Variants in MEGF11 observed in about 807,000 individuals in gnomAD.
The protein encoded by MEGF11 is multiple epidermal growth factor-like domains protein 11.
Under a neutral mutation model 146.6 loss-of-function variants are expected in MEGF11, and 126 were observed. The ratio of observed to expected loss-of-function variants is 0.86; its 90% CI spans 0.74 to 1.00. The LOEUF (loss-of-function observed/expected upper bound fraction) is 1.00. MEGF11 is among the 50% of genes least tolerant of loss of function. The pLI is 0.00. For synonymous variants in MEGF11, 532 were observed against 583.4 expected (o/e 0.91, Z 1.27); for missense variants, 1,509 against 1,521.2 (o/e 0.99, Z 0.13).
intron 4 of MEGF11, among the ~76,000 whole-genome samples, chr15:66,116,895 C>A (rs1012372336): frequency 1.3e-5 from 2 of 152,148 alleles, no homozygotes; most frequent in African/African-American, 2.4e-5. Flanking sequence ...TGCCTAGGTT[C>A]GTGAAGAGAC....
intron 1 of MEGF11, among the ~76,000 whole-genome samples, chr15:66,180,880 C>A (rs753206816): frequency 6.6e-6 from 1 of 152,228 alleles, no homozygotes; most frequent in East Asian, 1.9e-4. Flanking sequence ...CTGGTCCAGG[C>A]CCCTAATCGG....
At chr15:65,965,601 T>TTTCTTTCTTTCTTTCTTTC (rs869249487) in intron 8 of MEGF11, among the ~76,000 whole-genome samples, 1 of 46,442 alleles carries the variant, frequency 2.2e-5, no homozygotes, top group Non-Finnish European at 4.4e-5. Flanking sequence ...TCTTTCTTTC[T>TTTCTTTCTTTCTTTCTTTC]TTTTTTTTTT....
At chr15:66,230,541 T>C (rs928689742) in intron 1 of MEGF11, among the ~76,000 whole-genome samples, 1 of 152,212 alleles carries the variant, frequency 6.6e-6, no homozygotes, top group African/African-American at 2.4e-5. Flanking sequence ...CTTTGAACTT[T>C]AGGAATAAGA....
intron 24 of MEGF11, 36 bp downstream of exon 24, chr15:65,906,049 C>T: frequency 1.9e-6 from 3 of 1,550,930 alleles, no homozygotes; most frequent in Non-Finnish European, 2.7e-6. Flanking sequence ...TCTTGCTAAG[C>T]CCTCTGTAAT....
chr15:65,980,395 C>CTTTTTTTTTTTTTTTTTTTTTT (rs60154748), intron 7 of MEGF11, among the ~76,000 whole-genome samples: 2 of 88,184 alleles, frequency 2.3e-5, no homozygotes, highest in African/African-American at 9.9e-5. Flanking sequence ...AAGAATTCAG[C>CTTTTTTTTTTTTTTTTTTTTTT]TTTTTTTTTT....
intron 4 of MEGF11, among the ~76,000 whole-genome samples, chr15:66,097,043 G>A (rs1274359686): frequency 6.6e-6 from 1 of 152,174 alleles, no homozygotes; most frequent in Non-Finnish European, 1.5e-5. Flanking sequence ...CATGGAGGAC[G>A]GTCATCCCAC....
intron 24 of MEGF11, among the ~76,000 whole-genome samples, chr15:65,901,420 T>C (rs1383148440): frequency 6.6e-6 from 1 of 152,172 alleles, no homozygotes; most frequent in African/African-American, 2.4e-5. Flanking sequence ...TGAATAGGGC[T>C]GTGCAGAAAG....
Position 65,897,853 on chromosome 15 carries a change from A to G in MEGF11, c.*81T>C. ...CATGCAGCTGGAGCCAGTCTGTACC[A>G]TTACTTCAAGTCAAGGGACTGTCTT... On this transcript the variant is annotated 3_prime_UTR_variant, in exon 26 of 26. Coordinates refer to ENST00000395614, the MANE Select transcript of MEGF11 (RefSeq NM_001385028.1). 7.3e-7 allele frequency: 1 copy of G among 1,367,150 alleles called. No homozygotes were observed. The highest frequency in any genetic ancestry group is 1.4e-5 in the African/African-American group (1 of 69,128). 84.7% of individuals were successfully genotyped at this position (1,367,150 alleles called of 1,614,324 possible). A position where few individuals can be genotyped will look rare whatever the true frequency, so the allele number is the denominator to read the frequency against.
At chr15:66,046,752 GC>G (rs1390125144) in intron 5 of MEGF11, among the ~76,000 whole-genome samples, 1 of 152,190 alleles carries the variant, frequency 6.6e-6, no homozygotes, top group Non-Finnish European at 1.5e-5. Flanking sequence ...ACCCAGCCAA[GC>G]CTGACTTTGC....
At chr15:65,915,723 C>G (rs2078975015) in intron 18 of MEGF11, 125 bp from the exon 19 acceptor site, 1 of 1,241,976 alleles carries the variant, frequency 8.1e-7, no homozygotes, top group Non-Finnish European at 1.1e-6. Flanking sequence ...TCCCTTAGCT[C>G]CTGTTGAGGA....
chr15:66,239,808 C>T (rs2092172454), intron 1 of MEGF11, among the ~76,000 whole-genome samples: 1 of 152,242 alleles, frequency 6.6e-6, no homozygotes, highest in African/African-American at 2.4e-5. Flanking sequence ...TCTCCAGAGG[C>T]TTCCCAACAG....
chr15:65,899,283 T>C (rs932626945), intron 24 of MEGF11, among the ~76,000 whole-genome samples: 1 of 152,214 alleles, frequency 6.6e-6, no homozygotes, highest in Non-Finnish European at 1.5e-5. Context: ...CTCAGAGATA[T>C]GAAGTGACTT....
chr15:66,031,306 T>C (rs2083509264), intron 5 of MEGF11, among the ~76,000 whole-genome samples: 1 of 152,214 alleles, frequency 6.6e-6, no homozygotes, highest in South Asian at 2.1e-4. Context: ...GTCAGGACCT[T>C]CTATACCCAG....
chr15:65,922,279 C>T (rs2079196619), intron 15 of MEGF11, 59 bp downstream of exon 15: 1 of 1,574,036 alleles, frequency 6.4e-7, no homozygotes, highest in African/African-American at 1.4e-5. Context: ...CCTTCCCTGC[C>T]ACTTTCCTCC....
intron 7 of MEGF11, among the ~76,000 whole-genome samples, chr15:65,972,204 C>A (rs2081319064): frequency 6.6e-6 from 1 of 151,882 alleles, no homozygotes; most frequent in South Asian, 2.1e-4. Flanking sequence ...AACAGGAGTT[C>A]CAGACAGTAG....
chr15:66,146,953 A>G (rs1181696383), intron 1 of MEGF11, among the ~76,000 whole-genome samples: 1 of 151,996 alleles, frequency 6.6e-6, no homozygotes, highest in Admixed American at 6.6e-5. Context: ...TAATGCCCCC[A>G]CTTGCTCACT....
intron 5 of MEGF11, among the ~76,000 whole-genome samples, chr15:66,060,117 T>A (rs1036366): frequency 6.6e-6 from 1 of 151,646 alleles, no homozygotes; most frequent in Admixed American, 6.6e-5. Flanking sequence ...AAGAGATGAG[T>A]GACTAGGAGA....
At chr15:66,147,621 C>G (rs1333954426) in intron 1 of MEGF11, among the ~76,000 whole-genome samples, 1 of 152,136 alleles carries the variant, frequency 6.6e-6, no homozygotes, top group Admixed American at 6.5e-5. Context: ...AGAGTGGGTG[C>G]CAAGGCCTGG....
At chr15:66,027,484 T>C (rs1179143713) in intron 5 of MEGF11, among the ~76,000 whole-genome samples, 2 of 152,238 alleles carry the variant, frequency 1.3e-5, no homozygotes, top group Non-Finnish European at 2.9e-5. Context: ...TTTGCTGAGA[T>C]AATGGGTGCC....
Sources: allele counts gnomAD v4.1 joint callset (sites outside exome capture counted in the v4.1 genomes callset), GRCh38; gene constraint gnomAD v4.1.1; transcripts MANE v1.5; gene names NCBI Gene and HGNC (gene_info 2026-07-23, HGNC 2026-07-21).